STAT1: variants seen among roughly 807,000 people sequenced by gnomAD.
The protein encoded by STAT1 is signal transducer and activator of transcription 1.
STAT1 carries 24 observed loss-of-function variants against 111.7 expected under a neutral mutation model. That is an observed-to-expected ratio of 0.21 (90% confidence interval 0.16 to 0.30). The LOEUF (loss-of-function observed/expected upper bound fraction) is 0.30. Ranked by LOEUF, STAT1 falls within the 10% of genes least tolerant of loss-of-function variation. STAT1 has a pLI of 1.00. For missense variants in STAT1, 351 were observed against 911.9 expected, an observed-to-expected ratio of 0.38 and a Z score of 7.92; for synonymous variants, 332 against 326.5, an observed-to-expected ratio of 1.02 and a Z score of -0.18.
rs1341322889 is a variant in STAT1 at position 190,974,939 on chromosome 2, T to C, written c.2136-7A>G. The C allele has an allele frequency of 1.2e-6, 2 of 1,609,888 alleles. No homozygotes were observed. Among genetic ancestry groups the C allele is most frequent in the Non-Finnish European group, 8.5e-7 (1 of 1,176,260 alleles). On this transcript the variant is annotated splice_region_variant and splice_polypyrimidine_tract_variant and intron_variant, in intron 23 of 24. Transcript: ENST00000361099. The surrounding 1 kb of genome is among the most constrained non-coding windows in gnomAD (Gnocchi z 4.8). The stretch of plus-strand genomic sequence containing the variant: ...CTGAAGTCTAGAAGGGTGACTAAAA[T>C]GGGGAAAAAGAAAAGAGCAATGTCA...
Position 190,982,969 on chromosome 2 carries a change from G to A in STAT1, c.1447-451C>T, listed in dbSNP as rs367692505. Among the ~76,000 whole-genome samples the A allele has an allele frequency of 2.6e-5, 4 of 152,296 alleles. No homozygotes were observed. The East Asian group carries it at 5.8e-4, about 22-fold the overall frequency. On this transcript the variant is annotated intron_variant, in intron 17 of 24. Transcript: ENST00000361099. The surrounding 1 kb of genome is among the most constrained non-coding windows in gnomAD (Gnocchi z 7.3). Reference sequence around the variant, plus strand: ...GTGATCCCTGTTTAAAATGGTGCCCGAGCATAGTACCACAGTGTGGTCTAC... The same window carrying A: ...GTGATCCCTGTTTAAAATGGTGCCCAAGCATAGTACCACAGTGTGGTCTAC...
intron 10 of STAT1, among the ~76,000 whole-genome samples, chr2:190,994,315 G>C (rs866111917): frequency 3.3e-5 from 5 of 151,246 alleles, no homozygotes; most frequent in Non-Finnish European, 7.4e-5. Context: ...TGAATGCCCA[G>C]CTGGGCATTC....
chr2:190,994,946 ATATATATATAT>A, intron 10 of STAT1, 104 bp downstream of exon 10: 1 of 363,016 alleles, frequency 2.8e-6, no homozygotes, highest in South Asian at 2.5e-5. Context: ...ATATATATAT[ATATATATATAT>A]AAAAAACACC....
chr2:190,971,853 C>T lies in STAT1; in HGVS notation c.2239-1136G>A, dbSNP rs1307432026. On this transcript the variant is annotated intron_variant, in intron 24 of 24. Transcript: ENST00000361099. This position sits in a 1 kb window ranked among gnomAD's most constrained non-coding sequence, Gnocchi z 4.1. Reference sequence around the variant, plus strand: ...TCAGCCCCCCTAGTAGCTGGGATTACAGGCACACACCACCATGGCTGGCTA... The same window carrying T: ...TCAGCCCCCCTAGTAGCTGGGATTATAGGCACACACCACCATGGCTGGCTA... 6.6e-6 allele frequency among the ~76,000 whole-genome samples: 1 copy of T among 152,140 alleles called. No individual in the cohort carries two copies. The highest frequency in any genetic ancestry group is 1.5e-5 in the Non-Finnish European group (1 of 68,024).
Position 190,999,535 on chromosome 2 carries a change from C to T in STAT1, c.541+91G>A, listed in dbSNP as rs1041713686. On this transcript the variant is annotated intron_variant, in intron 7 of 24. Coordinates refer to ENST00000361099, the MANE Select transcript of STAT1 (RefSeq NM_007315.4). The surrounding 1 kb of genome is among the most constrained non-coding windows in gnomAD (Gnocchi z 4.1). ...GAAGAATTCAGAGTCATAAAATACTCGGCAAATAGAAAGGAGTAATCATCT... is the reference window on the plus strand; with the variant it reads ...GAAGAATTCAGAGTCATAAAATACTTGGCAAATAGAAAGGAGTAATCATCT... The T allele has an allele frequency of 1.7e-5, 15 of 878,336 alleles. No homozygotes were observed. The highest frequency in any genetic ancestry group is 1.2e-4 in the East Asian group (5 of 40,452). The allele number at this position is 878,336 out of a possible 1,614,324, so 54.4% of individuals were successfully genotyped here.
chr2:191,011,081 C>T (rs1451935883), intron 2 of STAT1, among the ~76,000 whole-genome samples: 1 of 152,134 alleles, frequency 6.6e-6, no homozygotes, highest in Non-Finnish European at 1.5e-5. Context: ...TACTTGTAGC[C>T]GAGCACATGT....
At chr2:190,991,971 C>T (rs1693375713) in intron 10 of STAT1, among the ~76,000 whole-genome samples, 1 of 152,128 alleles carries the variant, frequency 6.6e-6, no homozygotes, top group Admixed American at 6.5e-5. Context: ...TTTTAAAAAA[C>T]CCAACATACA....
chr2:190,986,988 T>A lies in STAT1; in HGVS notation c.1128-41A>T. The A allele has an allele frequency of 6.2e-7, 1 of 1,610,998 alleles. No individual in the cohort carries two copies. The highest frequency in any genetic ancestry group is 2.2e-5 in the East Asian group (1 of 44,874). On this transcript the variant is annotated intron_variant, in intron 13 of 24. Coordinates refer to ENST00000361099, the MANE Select transcript of STAT1 (RefSeq NM_007315.4). The surrounding 1 kb of genome is among the most constrained non-coding windows in gnomAD (Gnocchi z 5.0). ...AAGAAATGCTGAAAAGTCTTCCAACTATTAAATAAATAAAAATATAGCACA... is the reference window on the plus strand; with the variant it reads ...AAGAAATGCTGAAAAGTCTTCCAACAATTAAATAAATAAAAATATAGCACA...
At chr2:190,985,514 T>C in intron 15 of STAT1, 105 bp downstream of exon 15, 1 of 1,149,442 alleles carries the variant, frequency 8.7e-7, no homozygotes, top group Non-Finnish European at 1.3e-6. Flanking sequence ...TCTTCCCTGA[T>C]GGGTCTGAAC....
intron 10 of STAT1, 103 bp downstream of exon 10, chr2:190,994,958 A>ATATAT (rs1491584710): frequency 4.3e-5 from 20 of 462,164 alleles, no homozygotes; most frequent in South Asian, 1.4e-4. Context: ...ATATATATAT[A>ATATAT]AAAAACACCT....
Position 190,977,116 on chromosome 2 carries a change from A to G in STAT1, c.1874-91T>C. ...AAACACTGCAGAGTTGATGGATTTG[A>G]GTGAACCTCATAAGAACTAATCACA... is the stretch of plus-strand genomic sequence containing the variant. On this transcript the variant is annotated intron_variant, in intron 21 of 24. Coordinates refer to ENST00000361099, the MANE Select transcript of STAT1 (RefSeq NM_007315.4). The surrounding 1 kb of genome is among the most constrained non-coding windows in gnomAD (Gnocchi z 4.7). 7.9e-7 allele frequency: 1 copy of G among 1,267,720 alleles called. No individual in the cohort carries two copies. The highest frequency in any genetic ancestry group is 1.1e-6 in the Non-Finnish European group (1 of 871,264). The allele number at this position is 1,267,720 out of a possible 1,614,324, so 78.5% of individuals were successfully genotyped here.
chr2:191,008,884 A>G lies in STAT1; in HGVS notation c.273+79T>C, dbSNP rs1026272703. 6.7e-6 allele frequency: 10 copies of G among 1,490,912 alleles called. No individual in the cohort carries two copies. In the East Asian group the frequency reaches 1.9e-4, roughly 28 times the overall value. 92.4% of individuals were successfully genotyped at this position (1,490,912 alleles called of 1,614,324 possible). ...CTAAATACCAATAAGTGTGTGCTCAATTGTATTTGCTGAATGAAGAAAACT... is the reference window on the plus strand; with the variant it reads ...CTAAATACCAATAAGTGTGTGCTCAGTTGTATTTGCTGAATGAAGAAAACT... On this transcript the variant is annotated intron_variant, in intron 4 of 24. Transcript: ENST00000361099.
rs1322717271 is a variant in STAT1 at position 190,996,249 on chromosome 2, G to A, written c.786-1030C>T. 1.3e-5 allele frequency among the ~76,000 whole-genome samples: 2 copies of A among 152,190 alleles called. No homozygotes were observed. Among genetic ancestry groups the A allele is most frequent in the Admixed American group, 6.5e-5 (1 of 15,284 alleles). On this transcript the variant is annotated intron_variant, in intron 9 of 24. Transcript: ENST00000361099. The surrounding 1 kb of genome is among the most constrained non-coding windows in gnomAD (Gnocchi z 4.5). ...TAACAGCAACACAGGCTGGGGAAAC[G>A]CTGTTTTATTCACTTGCAGTAATGA...
At position 190,999,301 on chromosome 2, in the gene STAT1, G is replaced by A. The variant is rs1372496952; in HGVS notation, c.541+325C>T. 6.6e-6 allele frequency among the ~76,000 whole-genome samples: 1 copy of A among 152,090 alleles called. No homozygotes were observed. The highest frequency in any genetic ancestry group is 2.4e-5 in the African/African-American group (1 of 41,404). On this transcript the variant is annotated intron_variant, in intron 7 of 24. Coordinates refer to ENST00000361099, the MANE Select transcript of STAT1 (RefSeq NM_007315.4). This position sits in a 1 kb window ranked among gnomAD's most constrained non-coding sequence, Gnocchi z 4.1. ...CATAACCAGTGGTTATCAAGTAGGG[G>A]TCACTGACCCCTAGGGGACTTTTGG... is the stretch of plus-strand genomic sequence containing the variant.
rs1694107158 is a variant in STAT1 at position 190,999,580 on chromosome 2, G to C, written c.541+46C>G. The C allele has an allele frequency of 1.5e-6, 2 of 1,368,186 alleles. No homozygotes were observed. The highest frequency in any genetic ancestry group is 2.9e-5 in the African/African-American group (2 of 69,974). The allele number at this position is 1,368,186 out of a possible 1,614,324, so 84.8% of individuals were successfully genotyped here. ...TCATCTTCGTTATCTAGTGTGAACA[G>C]AAAAAATTGCAGCCAACGGGCACCA... On this transcript the variant is annotated intron_variant, in intron 7 of 24. Transcript: ENST00000361099. This position sits in a 1 kb window ranked among gnomAD's most constrained non-coding sequence, Gnocchi z 4.1.
In STAT1 at chr2:191,010,098, CT is replaced by C. The variant is rs1695010352; in HGVS notation, c.-1-95del. 2.2e-6 allele frequency: 3 copies of C among 1,393,988 alleles called. No homozygotes were observed. In the South Asian group the frequency reaches 3.6e-5, roughly 17 times the overall value. 86.4% of individuals were successfully genotyped at this position (1,393,988 alleles called of 1,614,324 possible). On this transcript the variant is annotated intron_variant, in intron 2 of 24. Transcript: ENST00000361099. ...AGCATCAGGTTGTACTCTTAAATAT[CT>C]TGCTTAATCCAAAACATAGTTTGTC... is the stretch of plus-strand genomic sequence containing the variant.
chr2:191,014,049 G>T lies in STAT1; in HGVS notation c.-187C>A. ...CGCAGGATCCGGAAGGGCTAGGCGGGGGCGCGGCGGTGCAGCCTCTCCCGA... is the reference window on the plus strand; with the variant it reads ...CGCAGGATCCGGAAGGGCTAGGCGGTGGCGCGGCGGTGCAGCCTCTCCCGA... On this transcript the variant is annotated 5_prime_UTR_variant, in exon 1 of 25. Coordinates refer to ENST00000361099, the MANE Select transcript of STAT1 (RefSeq NM_007315.4). 1 of 177,692 alleles carries T rather than the reference G, an allele frequency of 5.6e-6. No individual in the cohort carries two copies. The highest frequency in any genetic ancestry group is 1.2e-5 in the Non-Finnish European group (1 of 85,138). 11.0% of individuals were successfully genotyped at this position (177,692 alleles called of 1,614,324 possible).
In STAT1 at chr2:190,998,067, A is replaced by G. The variant is rs2125070208; in HGVS notation, c.634-60T>C. 6.3e-7 allele frequency: 1 copy of G among 1,591,378 alleles called. No individual in the cohort carries two copies. Among genetic ancestry groups the G allele is most frequent in the East Asian group, 2.3e-5 (1 of 43,112 alleles). On this transcript the variant is annotated intron_variant, in intron 8 of 24. Coordinates refer to ENST00000361099, the MANE Select transcript of STAT1 (RefSeq NM_007315.4). The surrounding 1 kb of genome is among the most constrained non-coding windows in gnomAD (Gnocchi z 4.1). ...TCATTTTTAATCACTGAATTTTAAA[A>G]TATTTTTTAAAAGAAAAGCAAATAT...
chr2:191,000,307 G>C lies in STAT1; in HGVS notation c.463-603C>G, dbSNP rs45516995. Among the ~76,000 whole-genome samples, 1 of 152,148 alleles carries C rather than the reference G, an allele frequency of 6.6e-6. No individual in the cohort carries two copies. The highest frequency in any genetic ancestry group is 1.5e-5 in the Non-Finnish European group (1 of 68,030). ...GGCTATTTCTGGACTGGGCTCACTCGGTTTCTACTTTAATGAAATGTTTCC... is the reference window on the plus strand; with the variant it reads ...GGCTATTTCTGGACTGGGCTCACTCCGTTTCTACTTTAATGAAATGTTTCC... On this transcript the variant is annotated intron_variant, in intron 6 of 24. Coordinates refer to ENST00000361099, the MANE Select transcript of STAT1 (RefSeq NM_007315.4). This position sits in a 1 kb window ranked among gnomAD's most constrained non-coding sequence, Gnocchi z 4.8.
Sources: allele counts gnomAD v4.1 joint callset (sites outside exome capture counted in the v4.1 genomes callset), GRCh38; gene constraint gnomAD v4.1.1; non-coding constraint Gnocchi (gnomAD v3.1); transcripts MANE v1.5; gene names NCBI Gene and HGNC (gene_info 2026-07-23, HGNC 2026-07-21).